The following DAGLA variants were observed in gnomAD, a reference collection of about 807,000 sequenced individuals.
DAGLA encodes diacylglycerol lipase alpha.
A neutral mutation model predicts 102.6 loss-of-function variants in DAGLA; 22 were observed. The observed-to-expected ratio is 0.21, with a 90% CI of 0.15 to 0.31. The LOEUF (loss-of-function observed/expected upper bound fraction) is 0.31, where lower values mean the gene tolerates loss of function less well. Ranked by LOEUF, DAGLA falls within the 10% of genes least tolerant of loss-of-function variation. The probability of loss-of-function intolerance (pLI) is 1.00; values close to 1 mark genes in which losing one functional copy is unlikely to be tolerated. For synonymous variants in DAGLA, 578 were observed against 628.9 expected (o/e 0.92, Z 1.21); for missense variants, 927 against 1,446.6 (o/e 0.64, Z 5.83).
chr11:61,694,787 CAT>C (rs979422336), intron 1 of DAGLA, among the ~76,000 whole-genome samples: 11 of 152,200 alleles, frequency 7.2e-5, no homozygotes, highest in African/African-American at 2.4e-4. Flanking sequence ...CATGCGGTCA[CAT>C]GTTTTCAGTC....
In DAGLA at chr11:61,744,497, G is replaced by A. The variant is rs1407173684; in HGVS notation, c.*8G>A. 2.0e-6 allele frequency: 3 copies of A among 1,535,300 alleles called. No individual in the cohort carries two copies. The Admixed American group carries it at 6.0e-5, about 31-fold the overall frequency. ...GTCATCTCAGCACGCTAGCACCCCA[G>A]TTGCGTGGCCAGCCGGGCCCAGGCA... On this transcript the variant is annotated 3_prime_UTR_variant, in exon 20 of 20. Transcript: ENST00000257215.
Position 61,703,272 on chromosome 11 carries a change from G to A in DAGLA, c.-44-16840G>A, listed in dbSNP as rs950804345. ...CACACCCTGGTGGAGGGAGCCAGAT[G>A]GTAAACACATTCACCAGAACTTTAG... On this transcript the variant is annotated intron_variant, in intron 1 of 19. Transcript: ENST00000257215. Among the ~76,000 whole-genome samples, 36 of 152,328 alleles carry A rather than the reference G, an allele frequency of 2.4e-4. 1 individual carries two copies. Among genetic ancestry groups the A allele is most frequent in the Admixed American group, 2.2e-3 (33 of 15,304 alleles).
At chr11:61,716,132 G>A (rs1229362286) in intron 1 of DAGLA, among the ~76,000 whole-genome samples, 1 of 152,220 alleles carries the variant, frequency 6.6e-6, no homozygotes, top group Non-Finnish European at 1.5e-5. Flanking sequence ...TGGGACTGAG[G>A]TGCTGGAGCC....
intron 1 of DAGLA, among the ~76,000 whole-genome samples, chr11:61,702,466 T>TA (rs2065116837): frequency 6.6e-6 from 1 of 152,180 alleles, no homozygotes; most frequent in Non-Finnish European, 1.5e-5. Context: ...CTGCAGACCC[T>TA]TATAAACTGA....
In DAGLA at chr11:61,738,226, AC is replaced by A; in HGVS notation, c.1656+22del. On this transcript the variant is annotated intron_variant, in intron 16 of 19. Coordinates refer to ENST00000257215, the MANE Select transcript of DAGLA (RefSeq NM_006133.3). ...GCCCAAAGTGAGCCCCCACCTGGGCACCCTGCCTCTGTGCAGCCTCATCTGT... is the reference window on the plus strand; with the variant it reads ...GCCCAAAGTGAGCCCCCACCTGGGCACCTGCCTCTGTGCAGCCTCATCTGT... The A allele has an allele frequency of 6.2e-7, 1 of 1,600,790 alleles. No homozygotes were observed. The highest frequency in any genetic ancestry group is 8.5e-7 in the Non-Finnish European group (1 of 1,173,660).
At chr11:61,693,014 A>ATT (rs776246668) in intron 1 of DAGLA, among the ~76,000 whole-genome samples, 109 of 139,684 alleles carry the variant, frequency 7.8e-4, no homozygotes, top group African/African-American at 2.4e-3. Context: ...TTTGGTTTCT[A>ATT]TTTTTTTTTT....
intron 1 of DAGLA, 61 bp from the exon 2 acceptor site, chr11:61,720,051 G>A: frequency 8.6e-7 from 1 of 1,160,646 alleles, no homozygotes; most frequent in Non-Finnish European, 1.3e-6. Context: ...CCCAAGGAAT[G>A]CAGTGGCCCT....
chr11:61,698,750 G>A (rs2065086529), intron 1 of DAGLA, among the ~76,000 whole-genome samples: 1 of 152,212 alleles, frequency 6.6e-6, no homozygotes, highest in Non-Finnish European at 1.5e-5. Context: ...TGGGTGCCAA[G>A]GACACAGAGA....
At chr11:61,737,543 G>A (rs549876879) in intron 14 of DAGLA, 144 bp from the exon 15 acceptor site, 3 of 1,043,494 alleles carry the variant, frequency 2.9e-6, no homozygotes, top group Admixed American at 1.9e-5. Flanking sequence ...CAGGGAGCAG[G>A]CAACCCAGCC....
chr11:61,697,507 G>T lies in DAGLA; in HGVS notation c.-45+17003G>T, dbSNP rs1309729769. Among the ~76,000 whole-genome samples the T allele has an allele frequency of 2.0e-5, 3 of 152,222 alleles. No homozygotes were observed. The East Asian group carries it at 5.8e-4, about 30-fold the overall frequency. Reference sequence around the variant, plus strand: ...GCAGGAGCACACCAAGGCCCCAGGAGCCTGGGCTGTGGGGCAGGGTTCCAG... The same window carrying T: ...GCAGGAGCACACCAAGGCCCCAGGATCCTGGGCTGTGGGGCAGGGTTCCAG... On this transcript the variant is annotated intron_variant, in intron 1 of 19. Transcript: ENST00000257215.
At chr11:61,714,125 G>A (rs185315698) in intron 1 of DAGLA, among the ~76,000 whole-genome samples, 250 of 152,262 alleles carry the variant, frequency 1.6e-3, no homozygotes, top group Non-Finnish European at 2.2e-3. Flanking sequence ...GCAACCGTGG[G>A]GGCCCTTATG....
Position 61,722,887 on chromosome 11 carries a change from C to T in DAGLA, c.336C>T (p.Ala112=). The change falls in exon 4 of 20, where the codon GCC becomes GCT. Residue 112 remains alanine (A), a synonymous_variant. Coordinates refer to ENST00000257215, the MANE Select transcript of DAGLA (RefSeq NM_006133.3). ...TCCTGGTGATCGAGTTCATCTACGC[C>T]ATCGTGGGCATCGTCTGGCTCACTC... ...LAILVIEFIY[A]IVGIVWLTQY... 1 of 1,614,156 alleles carries T rather than the reference C, an allele frequency of 6.2e-7. No individual in the cohort carries two copies. Among genetic ancestry groups the T allele is most frequent in the African/African-American group, 1.3e-5 (1 of 75,056 alleles).
At chr11:61,709,983 A>C (rs953181380) in intron 1 of DAGLA, among the ~76,000 whole-genome samples, 1 of 152,018 alleles carries the variant, frequency 6.6e-6, no homozygotes, top group Non-Finnish European at 1.5e-5. Context: ...CAGCCTGAGG[A>C]GAGGAGGCAG....
At position 61,743,982 on chromosome 11, in the gene DAGLA, G is replaced by A. The variant is rs771729060; in HGVS notation, c.2622G>A (p.Ala874=). 5.6e-6 allele frequency: 9 copies of A among 1,611,922 alleles called. No homozygotes were observed. Among genetic ancestry groups the A allele is most frequent in the Middle Eastern group, 1.6e-4 (1 of 6,062 alleles). The change falls in exon 20 of 20, where the codon GCG becomes GCA. Residue 874 remains alanine, a synonymous_variant. Transcript: ENST00000257215. ...GVTPERPPSA[A]ANDEEEEVGG... ...CTCCTGAGCGGCCCCCCAGTGCTGC[G>A]GCCAATGACGAGGAGGAAGAGGTTG...
At chr11:61,722,830 T>C in intron 3 of DAGLA, 29 bp from the exon 4 acceptor site, 2 of 1,590,040 alleles carry the variant, frequency 1.3e-6, no homozygotes, top group South Asian at 1.1e-5. Context: ...GTGGCAGCCA[T>C]CCTTCAGCCA....
Position 61,746,911 on chromosome 11 carries a change from A to G in DAGLA, c.*2422A>G, listed in dbSNP as rs1223006503. On this transcript the variant is annotated 3_prime_UTR_variant, in exon 20 of 20. Coordinates refer to ENST00000257215, the MANE Select transcript of DAGLA (RefSeq NM_006133.3). The stretch of plus-strand genomic sequence containing the variant: ...ACTAATATTGCTGTAAAAAGGAGAG[A>G]CAAATTAATATAGCTTATTCTATAA... The G allele has an allele frequency of 6.6e-6, 1 of 152,588 alleles. No homozygotes were observed. Among genetic ancestry groups the G allele is most frequent in the Admixed American group, 6.5e-5 (1 of 15,290 alleles). The allele number at this position is 152,588 out of a possible 1,614,324, so 9.5% of individuals were successfully genotyped here. A position where few individuals can be genotyped will look rare whatever the true frequency, so the allele number is the denominator to read the frequency against.
intron 2 of DAGLA, 109 bp downstream of exon 2, chr11:61,720,359 C>A: frequency 1.8e-6 from 2 of 1,109,776 alleles, no homozygotes; most frequent in Non-Finnish European, 2.7e-6. Flanking sequence ...CCAACCCTGT[C>A]ATGCCCCCAG....
intron 19 of DAGLA, among the ~76,000 whole-genome samples, chr11:61,743,291 G>GCA (rs1297833459): frequency 6.6e-6 from 1 of 151,580 alleles, no homozygotes; most frequent in Non-Finnish European, 1.5e-5. Flanking sequence ...CGTGAACCCA[G>GCA]GGCGGAGCTT....
intron 1 of DAGLA, among the ~76,000 whole-genome samples, chr11:61,715,220 C>T (rs1038599975): frequency 2.6e-5 from 4 of 152,290 alleles, no homozygotes; most frequent in African/African-American, 9.6e-5. Flanking sequence ...GGACTGAAGC[C>T]GGTTAGTCCA....
Sources: gnomAD v4.1 joint callset for allele counts (sites outside exome capture counted in the v4.1 genomes callset) on GRCh38, gnomAD v4.1.1 for gene constraint, MANE v1.5 for transcripts, NCBI Gene and HGNC (gene_info 2026-07-23, HGNC 2026-07-21) for gene names.